Variants in MDFIC2 observed in about 807,000 individuals in gnomAD.
The protein encoded by MDFIC2 is MyoD family inhibitor domain containing 2, also known as myoD family inhibitor domain-containing protein 2.
At chr3:70,287,534 C>A (rs1454153673) in intron 2 of MDFIC2, among the ~76,000 whole-genome samples, 1 of 151,818 alleles carries the variant, frequency 6.6e-6, no homozygotes, top group Non-Finnish European at 1.5e-5. Context: ...TTGGTTGTGT[C>A]TCTGCCCGGC....
chr3:70,283,022 A>G (rs1425553236), intron 2 of MDFIC2, among the ~76,000 whole-genome samples: 1 of 152,206 alleles, frequency 6.6e-6, no homozygotes, highest in Non-Finnish European at 1.5e-5. Context: ...ACAGTTGATT[A>G]CATCTCAATC....
intron 3 of MDFIC2, among the ~76,000 whole-genome samples, chr3:70,202,883 G>C (rs941766042): frequency 2.0e-5 from 3 of 152,092 alleles, no homozygotes; most frequent in African/African-American, 4.8e-5. Context: ...TCTTTAATTA[G>C]AGTGGAAAAG....
chr3:70,223,440 G>A (rs1701477447), intron 2 of MDFIC2, among the ~76,000 whole-genome samples: 1 of 152,094 alleles, frequency 6.6e-6, no homozygotes, highest in African/African-American at 2.4e-5. Flanking sequence ...ATATGTTTAA[G>A]AAAATGAGAT....
intron 3 of MDFIC2, among the ~76,000 whole-genome samples, chr3:70,198,817 G>A (rs955270964): frequency 6.6e-6 from 1 of 152,148 alleles, no homozygotes; most frequent in Non-Finnish European, 1.5e-5. Context: ...CTTAGAGCCA[G>A]CTTTTAGCGT....
intron 2 of MDFIC2, among the ~76,000 whole-genome samples, chr3:70,241,245 G>T (rs1401275944): frequency 6.6e-6 from 1 of 152,132 alleles, no homozygotes; most frequent in East Asian, 1.9e-4. Context: ...CTCTTTAGAG[G>T]TGTGTCTTTA....
intron 2 of MDFIC2, among the ~76,000 whole-genome samples, chr3:70,269,411 T>C (rs1409004397): frequency 6.6e-6 from 1 of 152,210 alleles, no homozygotes; most frequent in Non-Finnish European, 1.5e-5. Flanking sequence ...CCCTGAGTTT[T>C]GGCCAATCAA....
chr3:70,308,171 C>G (rs1702420552), intron 2 of MDFIC2, among the ~76,000 whole-genome samples: 1 of 152,162 alleles, frequency 6.6e-6, no homozygotes, highest in African/African-American at 2.4e-5. Flanking sequence ...TGGCCTCAGT[C>G]TGTCTAGTAG....
chr3:70,229,898 T>C (rs972006145), intron 2 of MDFIC2, among the ~76,000 whole-genome samples: 1 of 152,202 alleles, frequency 6.6e-6, no homozygotes, highest in Non-Finnish European at 1.5e-5. Context: ...ATACAACTTA[T>C]ATGTGAATTA....
intron 2 of MDFIC2, among the ~76,000 whole-genome samples, chr3:70,270,700 G>A (rs1425984841): frequency 3.3e-5 from 5 of 152,122 alleles, no homozygotes; most frequent in Admixed American, 3.3e-4. Context: ...GGAATACTAT[G>A]CAGCCATAAA....
intron 2 of MDFIC2, among the ~76,000 whole-genome samples, chr3:70,289,265 A>G (rs1405121309): frequency 1.3e-5 from 2 of 148,318 alleles, no homozygotes; most frequent in Non-Finnish European, 3.0e-5. Flanking sequence ...GTGGTGACAA[A>G]ATCTCTCAGC....
chr3:70,267,457 C>T (rs1050855833), intron 2 of MDFIC2, among the ~76,000 whole-genome samples: 17 of 121,822 alleles, frequency 1.4e-4, no homozygotes, highest in Admixed American at 1.3e-3. Context: ...GGCTGGTGTG[C>T]AGTGGCGCGA....
chr3:70,290,767 C>G (rs1702229136), intron 2 of MDFIC2, among the ~76,000 whole-genome samples: 1 of 152,164 alleles, frequency 6.6e-6, no homozygotes. Context: ...TCGTGGTGCG[C>G]CGTTTTTTAA....
intron 2 of MDFIC2, among the ~76,000 whole-genome samples, chr3:70,215,030 T>G (rs1701392934): frequency 1.3e-5 from 2 of 152,098 alleles, no homozygotes; most frequent in South Asian, 4.1e-4. Context: ...ACTATCAGTG[T>G]TTAAATATAA....
chr3:70,296,342 C>A (rs1323152708), intron 2 of MDFIC2, among the ~76,000 whole-genome samples: 2 of 152,058 alleles, frequency 1.3e-5, no homozygotes, highest in Non-Finnish European at 2.9e-5. Context: ...CTGAAACAGA[C>A]TCTTAACATG....
At chr3:70,310,991 A>C (rs1313126681) in intron 2 of MDFIC2, among the ~76,000 whole-genome samples, 1 of 152,166 alleles carries the variant, frequency 6.6e-6, no homozygotes, top group African/African-American at 2.4e-5. Flanking sequence ...ACTGCTTCAC[A>C]GGGTTGTCAT....
rs1701160389 is a variant in MDFIC2 at position 70,194,802 on chromosome 3, C to T, written c.*2124G>A. 6.6e-6 allele frequency among the ~76,000 whole-genome samples: 1 copy of T among 152,118 alleles called. No homozygotes were observed. Among genetic ancestry groups the T allele is most frequent in the Non-Finnish European group, 1.5e-5 (1 of 68,022 alleles). The stretch of plus-strand genomic sequence containing the variant: ...ATTTAACACCAATATGGCATGGCCT[C>T]ACCAATGATACCAGGTACCATATTA... On this transcript the variant is annotated 3_prime_UTR_variant, in exon 4 of 4. Coordinates refer to ENST00000567252, the MANE Select transcript of MDFIC2 (RefSeq NM_001364677.1).
intron 2 of MDFIC2, among the ~76,000 whole-genome samples, chr3:70,285,539 G>T (rs1166863556): frequency 2.6e-5 from 4 of 152,062 alleles, no homozygotes; most frequent in East Asian, 1.9e-4. Context: ...TGTCTTTATA[G>T]CAGCATGATT....
chr3:70,288,544 G>A (rs1702191755), intron 2 of MDFIC2, among the ~76,000 whole-genome samples: 1 of 149,750 alleles, frequency 6.7e-6, no homozygotes, highest in Admixed American at 6.7e-5. Context: ...TATTGATTTG[G>A]GGTGGAGAGT....
chr3:70,310,358 AT>A (rs1559560602), intron 2 of MDFIC2, among the ~76,000 whole-genome samples: 1 of 151,600 alleles, frequency 6.6e-6, no homozygotes, highest in Admixed American at 6.6e-5. Context: ...ATTATTTTTA[AT>A]TTTATGTATT....
Sources: allele counts gnomAD v4.1 joint callset (sites outside exome capture counted in the v4.1 genomes callset), GRCh38; gene constraint gnomAD v4.1.1; transcripts MANE v1.5; gene names NCBI Gene and HGNC (gene_info 2026-07-23, HGNC 2026-07-21).